The following RAD51B variants were observed in gnomAD, a reference collection of about 807,000 sequenced individuals.
The protein encoded by RAD51B is DNA repair protein RAD51 homolog 2.
RAD51B carries 38 observed loss-of-function variants against 42.2 expected under a neutral mutation model. The ratio of observed to expected loss-of-function variants is 0.90; its 90% CI spans 0.70 to 1.18. The LOEUF is 1.18. RAD51B is among the 50% of genes most tolerant of loss of function. RAD51B has a pLI of 0.00. For synonymous variants in RAD51B, 154 were observed against 145.2 expected, an observed-to-expected ratio of 1.06 and a Z score of -0.43; for missense variants, 373 against 400.7, an observed-to-expected ratio of 0.93 and a Z score of 0.59.
At chr14:68,485,005 G>C (rs1173953231) in intron 10 of RAD51B, among the ~76,000 whole-genome samples, 1 of 152,164 alleles carries the variant, frequency 6.6e-6, no homozygotes, top group Non-Finnish European at 1.5e-5. Context: ...ACTTATCTTA[G>C]TGTTTTGTCT....
intron 7 of RAD51B, among the ~76,000 whole-genome samples, chr14:68,214,288 A>G (rs2079769737): frequency 6.6e-6 from 1 of 152,136 alleles, no homozygotes; most frequent in Non-Finnish European, 1.5e-5. Context: ...AAAGATCAAA[A>G]TGTTACTCTA....
chr14:68,055,895 A>G (rs180732078), intron 7 of RAD51B, among the ~76,000 whole-genome samples: 1 of 152,192 alleles, frequency 6.6e-6, no homozygotes, highest in African/African-American at 2.4e-5. Context: ...ACTCCAATTC[A>G]ATATGGAAGA....
chr14:68,362,120 C>A (rs1319162324), intron 8 of RAD51B, among the ~76,000 whole-genome samples: 1 of 152,152 alleles, frequency 6.6e-6, no homozygotes, highest in Non-Finnish European at 1.5e-5. Context: ...AAGAAGATAC[C>A]TACAAACTTC....
At chr14:68,034,576 CT>C (rs2076093487) in intron 7 of RAD51B, among the ~76,000 whole-genome samples, 1 of 152,082 alleles carries the variant, frequency 6.6e-6, no homozygotes, top group African/African-American at 2.4e-5. Context: ...GCCTATTTGT[CT>C]TCTTAAGCCT....
chr14:67,936,893 A>G (rs1179699051), intron 7 of RAD51B, among the ~76,000 whole-genome samples: 1 of 152,154 alleles, frequency 6.6e-6, no homozygotes, highest in Non-Finnish European at 1.5e-5. Flanking sequence ...GAGAAAGTCT[A>G]TTTAAATCTC....
At position 68,384,034 on chromosome 14, in the gene RAD51B, TCA is replaced by T. The variant is rs568071352; in HGVS notation, c.854-27387_854-27386del. ...GTGCAAGTGGGAGTACACTTTCCAC[TCA>T]CAGGCTTCTTTGTCAAGATACATGT... On this transcript the variant is annotated intron_variant, in intron 8 of 10. Coordinates refer to ENST00000471583, the MANE Select transcript of RAD51B (RefSeq NM_133510.4). Among the ~76,000 whole-genome samples the T allele has an allele frequency of 6.1e-4, 93 of 152,334 alleles. 1 individual carries two copies. Among genetic ancestry groups the T allele is most frequent in the East Asian group, 2.9e-3 (15 of 5,188 alleles).
chr14:68,029,918 G>A (rs1173834696), intron 7 of RAD51B, among the ~76,000 whole-genome samples: 1 of 152,194 alleles, frequency 6.6e-6, no homozygotes, highest in Non-Finnish European at 1.5e-5. Flanking sequence ...TCATGAAACT[G>A]CTATTAATCC....
At chr14:68,450,206 C>CTT (rs67536658) in intron 9 of RAD51B, among the ~76,000 whole-genome samples, 15 of 47,906 alleles carry the variant, frequency 3.1e-4, no homozygotes, top group Non-Finnish European at 3.4e-4. Flanking sequence ...GAGCTTAGGG[C>CTT]TTTTTTTTTT....
At chr14:68,472,531 G>A (rs557007346) in intron 10 of RAD51B, among the ~76,000 whole-genome samples, 3 of 152,352 alleles carry the variant, frequency 2.0e-5, no homozygotes, top group South Asian at 2.1e-4. Flanking sequence ...TTTCCTCAGG[G>A]ATCTGGGGAG....
At chr14:68,578,463 T>A (rs967543522) in intron 10 of RAD51B, among the ~76,000 whole-genome samples, 1 of 152,154 alleles carries the variant, frequency 6.6e-6, no homozygotes, top group Non-Finnish European at 1.5e-5. Context: ...CCGCCATGGA[T>A]GATATGACAT....
intron 10 of RAD51B, 102 bp downstream of exon 10, chr14:68,468,352 A>T (rs749686368): frequency 7.7e-5 from 100 of 1,292,408 alleles, no homozygotes; most frequent in Non-Finnish European, 1.1e-4. Flanking sequence ...AGCTCCAGAC[A>T]GAATCAAAAA....
At chr14:67,983,200 A>G (rs1460563824) in intron 7 of RAD51B, among the ~76,000 whole-genome samples, 1 of 152,236 alleles carries the variant, frequency 6.6e-6, no homozygotes, top group Non-Finnish European at 1.5e-5. Flanking sequence ...AGTGGTTAAA[A>G]TAAGAGTCTC....
At chr14:68,504,348 T>C (rs549106758) in intron 10 of RAD51B, among the ~76,000 whole-genome samples, 46 of 152,340 alleles carry the variant, frequency 3.0e-4, no homozygotes, top group African/African-American at 1.0e-3. Context: ...GCACACCATA[T>C]AAATCCCCTC....
intron 8 of RAD51B, among the ~76,000 whole-genome samples, chr14:68,326,828 G>C (rs919987320): frequency 2.6e-5 from 4 of 152,130 alleles, no homozygotes; most frequent in Non-Finnish European, 5.9e-5. Flanking sequence ...CTCCATTAGT[G>C]CCCCTAGATT....
chr14:68,645,036 G>A (rs547633101), intron 10 of RAD51B, among the ~76,000 whole-genome samples: 1 of 152,284 alleles, frequency 6.6e-6, no homozygotes, highest in African/African-American at 2.4e-5. Context: ...TTTAAGTGTA[G>A]TCTTCAGTGG....
intron 10 of RAD51B, among the ~76,000 whole-genome samples, chr14:68,490,428 GGTTT>G (rs1883973234): frequency 6.6e-6 from 1 of 152,136 alleles, no homozygotes; most frequent in Non-Finnish European, 1.5e-5. Context: ...AAAATTGAAA[GGTTT>G]TAAAGGCAGA....
At chr14:68,300,908 A>T (rs1206923855) in intron 8 of RAD51B, among the ~76,000 whole-genome samples, 1 of 152,248 alleles carries the variant, frequency 6.6e-6, no homozygotes, top group Non-Finnish European at 1.5e-5. Context: ...GGGCAGCTGG[A>T]TAACTAAAAT....
At chr14:68,034,993 T>G (rs929698407) in intron 7 of RAD51B, among the ~76,000 whole-genome samples, 1 of 152,208 alleles carries the variant, frequency 6.6e-6, no homozygotes, top group Non-Finnish European at 1.5e-5. Flanking sequence ...AACTTAAATA[T>G]ATACCAGATG....
At chr14:68,085,989 T>C (rs1367573581) in intron 7 of RAD51B, among the ~76,000 whole-genome samples, 1 of 152,154 alleles carries the variant, frequency 6.6e-6, no homozygotes, top group African/African-American at 2.4e-5. Flanking sequence ...AGTTTTGCCG[T>C]CTGTAGGCGG....
Sources: gnomAD v4.1 joint callset for allele counts (sites outside exome capture counted in the v4.1 genomes callset) on GRCh38, gnomAD v4.1.1 for gene constraint, MANE v1.5 for transcripts, NCBI Gene and HGNC (gene_info 2026-07-23, HGNC 2026-07-21) for gene names.